ZMYND8: variants seen among roughly 807,000 people sequenced by gnomAD.
ZMYND8 encodes the protein MYND-type zinc finger-containing chromatin reader ZMYND8.
ZMYND8 carries 37 observed loss-of-function variants against 140.8 expected under a neutral mutation model. The ratio of observed to expected loss-of-function variants is 0.26; its 90% CI spans 0.20 to 0.35. ZMYND8 has a LOEUF of 0.35. Among genes scored for constraint, ZMYND8 ranks in the 10% least tolerant of loss-of-function variants. The pLI is 1.00. For missense variants in ZMYND8, 1,068 were observed against 1,570.0 expected (o/e 0.68, Z 5.40); for synonymous variants, 592 against 597.1 (o/e 0.99, Z 0.12).
chr20:47,223,814 G>A (rs745996562), intron 19 of ZMYND8, among the ~76,000 whole-genome samples: 105 of 144,978 alleles, frequency 7.2e-4, no homozygotes, highest in African/African-American at 2.6e-3. Context: ...CAACAAGAGC[G>A]AAACTCTGTC....
intron 10 of ZMYND8, among the ~76,000 whole-genome samples, chr20:47,279,155 G>A (rs1384188790): frequency 3.3e-5 from 5 of 152,074 alleles, no homozygotes; most frequent in Admixed American, 3.3e-4. Context: ...GGCAGGGAAG[G>A]AAAAGAGTCT....
At chr20:47,245,033 G>A (rs1362348485) in intron 14 of ZMYND8, among the ~76,000 whole-genome samples, 1 of 152,006 alleles carries the variant, frequency 6.6e-6, no homozygotes, top group African/African-American at 2.4e-5. Context: ...CTCCAGCCTG[G>A]GCGACAAGAG....
intron 12 of ZMYND8, among the ~76,000 whole-genome samples, chr20:47,261,858 G>T (rs1459521367): frequency 1.3e-5 from 2 of 152,086 alleles, no homozygotes; most frequent in African/African-American, 4.8e-5. Flanking sequence ...GATCACCTGA[G>T]GTCGGGGTTT....
At chr20:47,217,649 T>C (rs775560515) in intron 21 of ZMYND8, among the ~76,000 whole-genome samples, 11 of 151,496 alleles carry the variant, frequency 7.3e-5, no homozygotes, top group Non-Finnish European at 1.0e-4. Context: ...TAATTACTCA[T>C]TGAGTTACCT....
rs1056824878 is a variant in ZMYND8, at chr20:47,305,767, G to A, written c.234+4289C>T. On this transcript the variant is annotated intron_variant, in intron 3 of 22. Coordinates refer to ENST00000471951, the MANE Select transcript of ZMYND8 (RefSeq NM_001281775.3). The stretch of plus-strand genomic sequence containing the variant: ...CCATTCTGTACAAATCTGCTGGCAC[G>A]TTATTTCTCAATCCTTTAATGCAAG... 7.2e-5 allele frequency among the ~76,000 whole-genome samples: 11 copies of A among 152,042 alleles called. 1 individual carries two copies. The highest frequency in any genetic ancestry group is 2.0e-4 in the Admixed American group (3 of 15,246).
At chr20:47,310,024 A>G (rs1200644434) in intron 3 of ZMYND8, 32 bp downstream of exon 3, 2 of 1,613,724 alleles carry the variant, frequency 1.2e-6, no homozygotes, top group South Asian at 2.2e-5. Context: ...CTGTCCCACC[A>G]GTGAGGACAC....
At chr20:47,347,979 T>G (rs746109108) in intron 1 of ZMYND8, 53 bp from the exon 2 acceptor site, 1 of 1,541,612 alleles carries the variant, frequency 6.5e-7, no homozygotes, top group East Asian at 2.2e-5. Flanking sequence ...ACTTGCCCCA[T>G]GGGGGCAGCT....
rs1458455977 is a variant in ZMYND8, at chr20:47,238,757, C to A, written c.2665+1G>T. 6.2e-7 allele frequency: 1 copy of A among 1,609,376 alleles called. No individual in the cohort carries two copies. Among genetic ancestry groups the A allele is most frequent in the Admixed American group, 1.7e-5 (1 of 59,206 alleles). On this transcript the variant is annotated splice_donor_variant, in intron 15 of 22. Transcript: ENST00000471951. LOFTEE classifies it high-confidence loss of function. Reference sequence around the variant, plus strand: ...GGAGAACAGAAGGGGAGGCTCGGTACCTTTCACAGCCTGTCTGGTCTGATA... The same window carrying A: ...GGAGAACAGAAGGGGAGGCTCGGTAACTTTCACAGCCTGTCTGGTCTGATA...
At chr20:47,267,067 G>A (rs6018378) in intron 11 of ZMYND8, among the ~76,000 whole-genome samples, 9 of 152,178 alleles carry the variant, frequency 5.9e-5, no homozygotes, top group African/African-American at 2.2e-4. Context: ...AGCCATAAAA[G>A]GAATGAAGTT....
At chr20:47,321,502 T>C (rs767980012) in intron 2 of ZMYND8, among the ~76,000 whole-genome samples, 3 of 152,182 alleles carry the variant, frequency 2.0e-5, no homozygotes, top group Non-Finnish European at 4.4e-5. Context: ...GTGCCAAGGC[T>C]GAGAAATCCT....
At chr20:47,246,633 G>T in intron 13 of ZMYND8, 116 bp from the exon 14 acceptor site, 9 of 1,396,692 alleles carry the variant, frequency 6.4e-6, no homozygotes, top group Non-Finnish European at 8.5e-6. Flanking sequence ...GTTTCAAATC[G>T]CATCACATTG....
intron 16 of ZMYND8, among the ~76,000 whole-genome samples, chr20:47,233,780 A>G (rs1403990719): frequency 4.6e-5 from 7 of 152,232 alleles, no homozygotes; most frequent in African/African-American, 1.7e-4. Context: ...CAATTTGTCA[A>G]GAAGACTGAG....
intron 5 of ZMYND8, among the ~76,000 whole-genome samples, chr20:47,292,726 C>A (rs146426761): frequency 1.3e-5 from 2 of 152,040 alleles, no homozygotes; most frequent in African/African-American, 4.8e-5. Context: ...TTGTGCAAAT[C>A]AGGTAGGGGG....
chr20:47,295,119 G>A lies in ZMYND8; in HGVS notation c.454-340C>T, dbSNP rs186370502. ...ATATGAAAGCAAAGGCCAGGTGGGC[G>A]TGGTGGCTCACGCCTGTAATCCCAG... is the stretch of plus-strand genomic sequence containing the variant. On this transcript the variant is annotated intron_variant, in intron 4 of 22. Transcript: ENST00000471951. Among the ~76,000 whole-genome samples, 50 of 152,352 alleles carry A rather than the reference G, an allele frequency of 3.3e-4. 1 individual carries two copies. The highest frequency in any genetic ancestry group is 1.1e-3 in the Admixed American group (17 of 15,310).
At chr20:47,220,108 C>G in intron 21 of ZMYND8, 150 bp downstream of exon 21, 1 of 632,424 alleles carries the variant, frequency 1.6e-6, no homozygotes, top group South Asian at 2.0e-5. Context: ...TACCCCCTCA[C>G]CCCCACTGAC....
chr20:47,318,927 G>A, intron 2 of ZMYND8: 1 of 1,347,186 alleles, frequency 7.4e-7, no homozygotes, highest in Non-Finnish European at 9.8e-7. Context: ...CGAGGGGCAG[G>A]GAACGCCAAG....
chr20:47,229,091 G>C (rs1484130535), intron 17 of ZMYND8, among the ~76,000 whole-genome samples: 1 of 151,160 alleles, frequency 6.6e-6, no homozygotes, highest in Non-Finnish European at 1.5e-5. Context: ...AAACTCCTGG[G>C]CTCAGGCAAT....
intron 12 of ZMYND8, among the ~76,000 whole-genome samples, chr20:47,253,595 G>A (rs1435796077): frequency 2.0e-5 from 3 of 150,778 alleles, no homozygotes; most frequent in Non-Finnish European, 4.4e-5. Context: ...CTAATTGGCA[G>A]CTAAGGCTGA....
At chr20:47,269,313 T>C (rs1227325165) in intron 11 of ZMYND8, among the ~76,000 whole-genome samples, 1 of 152,198 alleles carries the variant, frequency 6.6e-6, no homozygotes, top group Non-Finnish European at 1.5e-5. Flanking sequence ...CCAGAGATGG[T>C]GCTCAGCATC....
Sources: gnomAD v4.1 joint callset for allele counts (sites outside exome capture counted in the v4.1 genomes callset) on GRCh38, gnomAD v4.1.1 for gene constraint, MANE v1.5 for transcripts, NCBI Gene and HGNC (gene_info 2026-07-23, HGNC 2026-07-21) for gene names.